Variants in MREG observed in about 807,000 individuals in gnomAD.
The protein encoded by MREG is melanoregulin.
Under a neutral mutation model 28.5 loss-of-function variants are expected in MREG, and 31 were observed. The observed-to-expected ratio is 1.09, with a 90% CI of 0.82 to 1.47. The LOEUF (loss-of-function observed/expected upper bound fraction) is 1.47. MREG is among the 40% of genes most tolerant of loss of function. The probability of loss-of-function intolerance (pLI) is 0.00; values close to 1 mark genes in which losing one functional copy is unlikely to be tolerated. For synonymous variants in MREG, 106 were observed against 95.2 expected (o/e 1.11, Z -0.66); for missense variants, 256 against 257.4 (o/e 0.99, Z 0.04).
At chr2:215,986,198 A>C (rs1693566568) in intron 2 of MREG, among the ~76,000 whole-genome samples, 1 of 152,208 alleles carries the variant, frequency 6.6e-6, no homozygotes, top group African/African-American at 2.4e-5. Context: ...AAACATATTT[A>C]TTTAGCTGGC....
rs568161188 is a variant in MREG at position 215,993,635 on chromosome 2, C to T, written c.255+2671G>A. On this transcript the variant is annotated intron_variant, in intron 2 of 4. Transcript: ENST00000263268. ...ATCACCAGAGTGAACAGGCAACCTACAGAATGAGAGAAAATTTTTGCAATC... is the reference window on the plus strand; with the variant it reads ...ATCACCAGAGTGAACAGGCAACCTATAGAATGAGAGAAAATTTTTGCAATC... 2.6e-5 allele frequency among the ~76,000 whole-genome samples: 4 copies of T among 152,304 alleles called. No individual in the cohort carries two copies. In the South Asian group the frequency reaches 8.3e-4, roughly 32 times the overall value.
chr2:215,988,000 C>T (rs529420171), intron 2 of MREG, among the ~76,000 whole-genome samples: 4 of 152,296 alleles, frequency 2.6e-5, no homozygotes, highest in African/African-American at 4.8e-5. Context: ...ATTATCATCA[C>T]GTCTTCATGT....
rs1480362817 is a variant in MREG, at chr2:215,969,408, C to CT, written c.256-22296dup. 8.5e-5 allele frequency among the ~76,000 whole-genome samples: 13 copies of CT among 152,340 alleles called. No homozygotes were observed. In the South Asian group the frequency reaches 2.7e-3, roughly 32 times the overall value. ...AAGTGTGTCAAGAACTGTAAAGCAT[C>CT]TGAGATTTCACCCCCTTTACAAGCT... On this transcript the variant is annotated intron_variant, in intron 2 of 4. Coordinates refer to ENST00000263268, the MANE Select transcript of MREG (RefSeq NM_018000.3).
intron 2 of MREG, among the ~76,000 whole-genome samples, chr2:215,988,173 C>T (rs1401458717): frequency 6.6e-6 from 1 of 152,130 alleles, no homozygotes; most frequent in African/African-American, 2.4e-5. Flanking sequence ...CGGGTGATTT[C>T]TGCATTTCCA....
Position 215,943,362 on chromosome 2 carries a change from T to C in MREG, c.*1501A>G. 2.2e-6 allele frequency: 1 copy of C among 456,280 alleles called. No individual in the cohort carries two copies. The highest frequency in any genetic ancestry group is 1.6e-5 in the South Asian group (1 of 64,480). The allele number at this position is 456,280 out of a possible 1,614,324, so 28.3% of individuals were successfully genotyped here. On this transcript the variant is annotated 3_prime_UTR_variant, in exon 5 of 5. Coordinates refer to ENST00000263268, the MANE Select transcript of MREG (RefSeq NM_018000.3). ...TCACAGCATTGCTCCCTTTTGAAAA[T>C]TATCTTCTGAAGAGAAGAAGGTCCA...
intron 2 of MREG, among the ~76,000 whole-genome samples, chr2:215,960,701 G>T (rs1015665175): frequency 6.6e-6 from 1 of 152,048 alleles, no homozygotes; most frequent in African/African-American, 2.4e-5. Flanking sequence ...AGGCATGGTG[G>T]CGGGCACCTG....
At chr2:216,004,066 G>C (rs1277280827) in intron 1 of MREG, among the ~76,000 whole-genome samples, 1 of 152,102 alleles carries the variant, frequency 6.6e-6, no homozygotes, top group African/African-American at 2.4e-5. Flanking sequence ...CCACCACCCT[G>C]CCCTCTTCAG....
chr2:215,971,889 C>T (rs890525792), intron 2 of MREG, among the ~76,000 whole-genome samples: 3 of 152,298 alleles, frequency 2.0e-5, no homozygotes, highest in Admixed American at 1.3e-4. Context: ...GATCTGCCAG[C>T]GAGAAGGGAG....
rs1396499736 is a variant in MREG, at chr2:215,942,898, C to T, written c.*1965G>A. The T allele has an allele frequency of 6.6e-6, 1 of 152,544 alleles. No individual in the cohort carries two copies. The highest frequency in any genetic ancestry group is 1.5e-5 in the Non-Finnish European group (1 of 68,044). The allele number at this position is 152,544 out of a possible 1,614,324, so 9.4% of individuals were successfully genotyped here. A position where few individuals can be genotyped will look rare whatever the true frequency, so the allele number is the denominator to read the frequency against. On this transcript the variant is annotated 3_prime_UTR_variant, in exon 5 of 5. Coordinates refer to ENST00000263268, the MANE Select transcript of MREG (RefSeq NM_018000.3). ...AGAAAATATCTGCAGGCTAATTTTA[C>T]ATAACATGAGGCAAAGATTAAGCAC...
chr2:216,012,743 A>G (rs1694345640), intron 1 of MREG, among the ~76,000 whole-genome samples: 1 of 152,122 alleles, frequency 6.6e-6, no homozygotes, highest in Admixed American at 6.5e-5. Flanking sequence ...TGAAACATGC[A>G]TTTTTTTCAT....
intron 2 of MREG, among the ~76,000 whole-genome samples, chr2:215,951,625 C>T (rs903090310): frequency 6.6e-6 from 1 of 152,078 alleles, no homozygotes; most frequent in Admixed American, 6.6e-5. Flanking sequence ...CATAAGATAC[C>T]TGAGAACAAG....
intron 2 of MREG, among the ~76,000 whole-genome samples, chr2:215,981,255 G>A (rs1693421782): frequency 1.3e-5 from 2 of 152,144 alleles, no homozygotes; most frequent in African/African-American, 4.8e-5. Flanking sequence ...GAAGCAACCC[G>A]AGTGTCCATC....
At chr2:215,960,197 C>T (rs890790412) in intron 2 of MREG, among the ~76,000 whole-genome samples, 1 of 152,142 alleles carries the variant, frequency 6.6e-6, no homozygotes, top group Non-Finnish European at 1.5e-5. Context: ...CCTCACGATC[C>T]GCCCGCCTTG....
At chr2:215,951,432 T>G (rs1399002821) in intron 2 of MREG, among the ~76,000 whole-genome samples, 1 of 152,240 alleles carries the variant, frequency 6.6e-6, no homozygotes, top group Non-Finnish European at 1.5e-5. Flanking sequence ...TCTTCCCAAG[T>G]GACTTCAATG....
chr2:215,945,109 G>A (rs1692286642), intron 4 of MREG, 112 bp from the exon 5 acceptor site: 3 of 1,099,494 alleles, frequency 2.7e-6, no homozygotes, highest in Non-Finnish European at 3.8e-6. Flanking sequence ...ATGACAATGA[G>A]CAAGTAAGAC....
At chr2:216,020,677 G>C (rs1694506708) in intron 1 of MREG, among the ~76,000 whole-genome samples, 1 of 152,240 alleles carries the variant, frequency 6.6e-6, no homozygotes, top group Admixed American at 6.5e-5. Context: ...GATACTGGCA[G>C]GGCCAGAGAA....
intron 2 of MREG, among the ~76,000 whole-genome samples, chr2:215,992,517 C>T (rs909592342): frequency 1.3e-5 from 2 of 152,172 alleles, no homozygotes; most frequent in Non-Finnish European, 2.9e-5. Flanking sequence ...GACAAGGATG[C>T]CCTCTCTCAC....
At position 216,002,567 on chromosome 2, in the gene MREG, A is replaced by G. The variant is rs114797264; in HGVS notation, c.96-6102T>C. On this transcript the variant is annotated intron_variant, in intron 1 of 4. Transcript: ENST00000263268. ...GAAAATCTCCAGTCAACAGCAACCA[A>G]CGGTCCAGAAAAACAGGCTGCCAGG... 7.6e-3 allele frequency among the ~76,000 whole-genome samples: 1,155 copies of G among 152,272 alleles called. 8 individuals are homozygous for G. The highest frequency in any genetic ancestry group is 0.012 in the Non-Finnish European group (793 of 68,024).
At chr2:215,995,652 T>A (rs1158709694) in intron 2 of MREG, among the ~76,000 whole-genome samples, 1 of 152,166 alleles carries the variant, frequency 6.6e-6, no homozygotes, top group Admixed American at 6.5e-5. Context: ...TCAGAAAACC[T>A]AACTCAAACA....
Sources: allele counts gnomAD v4.1 joint callset (sites outside exome capture counted in the v4.1 genomes callset), GRCh38; gene constraint gnomAD v4.1.1; transcripts MANE v1.5; gene names NCBI Gene and HGNC (gene_info 2026-07-23, HGNC 2026-07-21).